Variants in LRRC37A2 observed in about 807,000 individuals in gnomAD.
The protein encoded by LRRC37A2 is leucine rich repeat containing 37 member A2, also known as leucine-rich repeat-containing protein 37A2.
Under a neutral mutation model 68.8 loss-of-function variants are expected in LRRC37A2, and 9 were observed. That is an observed-to-expected ratio of 0.13 (90% CI 0.08 to 0.23). LRRC37A2 has a LOEUF of 0.23. Among genes scored for constraint, LRRC37A2 ranks in the 10% least tolerant of loss-of-function variants. The pLI, the probability that LRRC37A2 is intolerant of heterozygous loss-of-function variation, is 1.00. For missense variants in LRRC37A2, 168 were observed against 950.4 expected (o/e 0.18, Z 10.82); for synonymous variants, 63 against 367.6 (o/e 0.17, Z 9.48).
At chr17:46,809,785 G>T in the LRRC37A2 span, among the ~76,000 whole-genome samples, 1 of 151,986 alleles carries the variant, frequency 6.6e-6, no homozygotes, top group Non-Finnish European at 1.5e-5. Flanking sequence ...TGACCAGTTG[G>T]CTTCAGACCT....
the LRRC37A2 span, among the ~76,000 whole-genome samples, chr17:46,771,067 G>C: frequency 6.6e-6 from 1 of 152,318 alleles, no homozygotes; most frequent in South Asian, 2.1e-4. Context: ...CCCCTCCTGG[G>C]CTGTGGGCCG....
chr17:46,982,400 C>T, the LRRC37A2 span, among the ~76,000 whole-genome samples: 1 of 152,224 alleles, frequency 6.6e-6, no homozygotes, highest in Non-Finnish European at 1.5e-5. Context: ...CCTGCCCACT[C>T]CAGCGAGTTG....
At chr17:46,884,306 A>G in the LRRC37A2 span, among the ~76,000 whole-genome samples, 1 of 152,120 alleles carries the variant, frequency 6.6e-6, no homozygotes, top group South Asian at 2.1e-4. Flanking sequence ...CATTTCTGAA[A>G]TTGCTTTCTC....
At chr17:46,755,854 A>G in the LRRC37A2 span, 4 of 1,608,804 alleles carry the variant, frequency 2.5e-6, no homozygotes, top group Non-Finnish European at 3.4e-6. Context: ...ACAGTGACCA[A>G]GGGAAGTGAC....
the LRRC37A2 span, among the ~76,000 whole-genome samples, chr17:46,850,416 C>T: frequency 1.3e-5 from 2 of 152,180 alleles, no homozygotes; most frequent in Non-Finnish European, 1.5e-5. Flanking sequence ...GTTAATGCCA[C>T]CTAACACGGT....
At chr17:46,960,950 C>G in the LRRC37A2 span, among the ~76,000 whole-genome samples, 1 of 151,912 alleles carries the variant, frequency 6.6e-6, no homozygotes, top group Non-Finnish European at 1.5e-5. Context: ...ATATATAGTG[C>G]TCTACGTCAA....
the LRRC37A2 span, among the ~76,000 whole-genome samples, chr17:46,799,526 C>T: frequency 3.3e-5 from 5 of 149,702 alleles, no homozygotes; most frequent in Non-Finnish European, 5.9e-5. Flanking sequence ...CAGCTAACTG[C>T]AACCTCCGCC....
the LRRC37A2 span, chr17:46,973,070 T>A: frequency 6.6e-6 from 1 of 152,456 alleles, no homozygotes; most frequent in Non-Finnish European, 1.5e-5. Context: ...ACTCAAGGGA[T>A]GCTACTCGGA....
chr17:46,964,319 A>C, the LRRC37A2 span: 1 of 152,282 alleles, frequency 6.6e-6, no homozygotes, highest in Non-Finnish European at 1.5e-5. Context: ...TCTGACATCC[A>C]AGGCCCTTTG....
At chr17:46,875,532 T>G in the LRRC37A2 span, among the ~76,000 whole-genome samples, 1 of 152,190 alleles carries the variant, frequency 6.6e-6, no homozygotes, top group Non-Finnish European at 1.5e-5. Context: ...CCTTGGCATC[T>G]ACTCTGGGCT....
chr17:46,894,083 C>T, the LRRC37A2 span, among the ~76,000 whole-genome samples: 6 of 152,200 alleles, frequency 3.9e-5, no homozygotes, highest in African/African-American at 7.2e-5. Context: ...ACTTAGGTGC[C>T]GCCCTGATTG....
the LRRC37A2 span, among the ~76,000 whole-genome samples, chr17:46,878,562 G>T: frequency 6.6e-6 from 1 of 152,214 alleles, no homozygotes; most frequent in African/African-American, 2.4e-5. Context: ...AAAATGGGGA[G>T]AGGGCTGGTT....
chr17:46,765,520 C>T, the LRRC37A2 span, among the ~76,000 whole-genome samples: 5 of 150,178 alleles, frequency 3.3e-5, no homozygotes, highest in South Asian at 4.6e-4. Flanking sequence ...GTGGAGGGCC[C>T]GGGGCCTGCT....
At chr17:47,007,384 G>T in the LRRC37A2 span, among the ~76,000 whole-genome samples, 1 of 152,138 alleles carries the variant, frequency 6.6e-6, no homozygotes, top group Non-Finnish European at 1.5e-5. Flanking sequence ...TCACCATGTT[G>T]GCCAGGCTGG....
At chr17:46,790,545 C>T in the LRRC37A2 span, among the ~76,000 whole-genome samples, 3 of 152,088 alleles carry the variant, frequency 2.0e-5, no homozygotes, top group Non-Finnish European at 2.9e-5. Flanking sequence ...AGCTGGGGCT[C>T]CTGGGTCCTC....
At chr17:46,760,163 C>A in the LRRC37A2 span, among the ~76,000 whole-genome samples, 1 of 152,100 alleles carries the variant, frequency 6.6e-6, no homozygotes, top group Admixed American at 6.5e-5. Context: ...ACTTGGGAGG[C>A]TGAGGAGGAT....
the LRRC37A2 span, among the ~76,000 whole-genome samples, chr17:47,007,616 T>G: frequency 6.6e-6 from 1 of 152,210 alleles, no homozygotes; most frequent in African/African-American, 2.4e-5. Context: ...AAATGAATCT[T>G]TGGCCAATAA....
At chr17:46,927,929 C>T in the LRRC37A2 span, among the ~76,000 whole-genome samples, 188 of 152,168 alleles carry the variant, frequency 1.2e-3, 1 homozygote, top group Middle Eastern at 6.8e-3. Context: ...GAAAATTTAC[C>T]TCACAGCCTG....
the LRRC37A2 span, among the ~76,000 whole-genome samples, chr17:46,492,595 G>T: frequency 6.7e-6 from 1 of 149,970 alleles, no homozygotes; most frequent in Admixed American, 6.6e-5. Flanking sequence ...TTCCAAAGTA[G>T]CTGTACCATT....
Sources: allele counts gnomAD v4.1 joint callset (sites outside exome capture counted in the v4.1 genomes callset), GRCh38; gene constraint gnomAD v4.1.1; transcripts MANE v1.5; gene names NCBI Gene and HGNC (gene_info 2026-07-23, HGNC 2026-07-21).